The following GNAQ variants were observed in gnomAD, a reference collection of about 807,000 sequenced individuals.
The protein encoded by GNAQ is guanine nucleotide-binding protein G(q) subunit alpha.
In GNAQ, 8 loss-of-function variants were observed where a neutral mutation model predicts 43.9. That is an observed-to-expected ratio of 0.18 (90% CI 0.11 to 0.33). GNAQ has a LOEUF of 0.33. Among genes scored for constraint, GNAQ ranks in the 10% least tolerant of loss-of-function variants. GNAQ has a pLI of 1.00. For synonymous variants in GNAQ, 155 were observed against 170.7 expected, an observed-to-expected ratio of 0.91 and a Z score of 0.71; for missense variants, 158 against 450.8, an observed-to-expected ratio of 0.35 and a Z score of 5.88.
intron 2 of GNAQ, among the ~76,000 whole-genome samples, chr9:77,915,424 G>C (rs1391691318): frequency 6.6e-6 from 1 of 151,984 alleles, no homozygotes; most frequent in African/African-American, 2.4e-5. Context: ...TCCTAAATCT[G>C]GTCACATTGT....
chr9:77,827,687 T>G (rs1265602122), intron 2 of GNAQ, among the ~76,000 whole-genome samples: 1 of 152,070 alleles, frequency 6.6e-6, no homozygotes, highest in Non-Finnish European at 1.5e-5. Context: ...AATGACCGCT[T>G]CATTCTTCTC....
intron 2 of GNAQ, among the ~76,000 whole-genome samples, chr9:77,901,827 T>C (rs559741387): frequency 2.0e-5 from 3 of 152,326 alleles, no homozygotes; most frequent in Non-Finnish European, 2.9e-5. Flanking sequence ...AAGTTCATGA[T>C]CAAGGCACAG....
At chr9:77,983,352 A>C (rs1823392649) in intron 1 of GNAQ, among the ~76,000 whole-genome samples, 1 of 152,060 alleles carries the variant, frequency 6.6e-6, no homozygotes, top group Admixed American at 6.6e-5. Flanking sequence ...AAATCTTCTA[A>C]AGGACTTGTG....
At chr9:77,813,029 C>T (rs901869778) in intron 3 of GNAQ, among the ~76,000 whole-genome samples, 1 of 151,958 alleles carries the variant, frequency 6.6e-6, no homozygotes, top group African/African-American at 2.4e-5. Context: ...TCTCCTGTTT[C>T]AGCCTCCTGA....
chr9:77,777,647 C>T (rs1826324190), intron 5 of GNAQ, among the ~76,000 whole-genome samples: 1 of 151,930 alleles, frequency 6.6e-6, no homozygotes, highest in Admixed American at 6.6e-5. Flanking sequence ...AATAAAAACA[C>T]AAGTCTATTA....
intron 1 of GNAQ, among the ~76,000 whole-genome samples, chr9:78,003,476 G>A (rs1468236770): frequency 3.3e-5 from 5 of 152,166 alleles, no homozygotes; most frequent in African/African-American, 1.2e-4. Flanking sequence ...CCAGGAAGAA[G>A]GCTTTTGTGT....
chr9:77,750,330 C>T (rs1825793999), intron 5 of GNAQ, among the ~76,000 whole-genome samples: 1 of 152,098 alleles, frequency 6.6e-6, no homozygotes, highest in Non-Finnish European at 1.5e-5. Flanking sequence ...ACCAAGCAAA[C>T]AAAGCATTCT....
chr9:77,746,241 G>A (rs1261564259), intron 5 of GNAQ, among the ~76,000 whole-genome samples: 5 of 152,086 alleles, frequency 3.3e-5, no homozygotes, highest in African/African-American at 1.2e-4. Flanking sequence ...AGCTACAGAA[G>A]GATATGTCCT....
chr9:77,833,497 T>C (rs1388045528), intron 2 of GNAQ, among the ~76,000 whole-genome samples: 2 of 152,248 alleles, frequency 1.3e-5, no homozygotes, highest in Non-Finnish European at 2.9e-5. Flanking sequence ...GAAAAGCTTC[T>C]TGTTGCTTTC....
At chr9:77,930,514 A>G (rs550205113) in intron 1 of GNAQ, among the ~76,000 whole-genome samples, 4 of 152,348 alleles carry the variant, frequency 2.6e-5, no homozygotes, top group African/African-American at 9.6e-5. Context: ...ACAGTCATTC[A>G]TATAAGCTTT....
chr9:77,764,459 CTT>C (rs1033785301), intron 5 of GNAQ, among the ~76,000 whole-genome samples: 13 of 144,348 alleles, frequency 9.0e-5, no homozygotes, highest in East Asian at 2.0e-4. Context: ...TCTGAAAATA[CTT>C]TTTTTTTTTT....
chr9:77,946,925 C>T (rs1822910927), intron 1 of GNAQ, among the ~76,000 whole-genome samples: 2 of 152,238 alleles, frequency 1.3e-5, no homozygotes, highest in Non-Finnish European at 2.9e-5. Flanking sequence ...CAGGTAGAGC[C>T]TGACTGCCAC....
In GNAQ at chr9:77,918,264, A is replaced by G. The variant is rs140263218; in HGVS notation, c.321+3897T>C. Among the ~76,000 whole-genome samples, 1,065 of 152,356 alleles carry G rather than the reference A, an allele frequency of 7.0e-3. 18 individuals are homozygous for G. Among genetic ancestry groups the G allele is most frequent in the African/African-American group, 0.024 (988 of 41,570 alleles). ...GTTATGCTGGACAATATTAGAAAGTATCTTTATTTATGCTACTATAGATTA... is the reference window on the plus strand; with the variant it reads ...GTTATGCTGGACAATATTAGAAAGTGTCTTTATTTATGCTACTATAGATTA... On this transcript the variant is annotated intron_variant, in intron 2 of 6. Coordinates refer to ENST00000286548, the MANE Select transcript of GNAQ (RefSeq NM_002072.5).
At chr9:77,759,543 C>G (rs1380585552) in intron 5 of GNAQ, among the ~76,000 whole-genome samples, 1 of 152,144 alleles carries the variant, frequency 6.6e-6, no homozygotes, top group African/African-American at 2.4e-5. Flanking sequence ...AACTACAGCA[C>G]GTGACTCTAA....
At chr9:77,866,348 G>A (rs1328078926) in intron 2 of GNAQ, among the ~76,000 whole-genome samples, 1 of 152,070 alleles carries the variant, frequency 6.6e-6, no homozygotes, top group Non-Finnish European at 1.5e-5. Flanking sequence ...GTGGTGGCAG[G>A]TGCCTGTAAT....
At chr9:77,738,203 C>T (rs1474032853) in intron 5 of GNAQ, among the ~76,000 whole-genome samples, 2 of 152,142 alleles carry the variant, frequency 1.3e-5, no homozygotes, top group Non-Finnish European at 2.9e-5. Flanking sequence ...CATGTATACA[C>T]GGTTGTGTGC....
At chr9:77,958,501 T>C (rs1056893932) in intron 1 of GNAQ, among the ~76,000 whole-genome samples, 3 of 152,236 alleles carry the variant, frequency 2.0e-5, no homozygotes, top group African/African-American at 7.2e-5. Flanking sequence ...ATGGGAAAAT[T>C]TAGGACTTCC....
At chr9:77,746,302 C>T (rs1393120397) in intron 5 of GNAQ, among the ~76,000 whole-genome samples, 2 of 152,044 alleles carry the variant, frequency 1.3e-5, no homozygotes, top group Non-Finnish European at 2.9e-5. Context: ...GATCTAGAAA[C>T]AGGGAACTCA....
At chr9:77,980,695 A>T (rs1823357738) in intron 1 of GNAQ, among the ~76,000 whole-genome samples, 1 of 152,170 alleles carries the variant, frequency 6.6e-6, no homozygotes, top group Admixed American at 6.5e-5. Context: ...AATTTATCCA[A>T]ATTCAACAGT....
Sources: allele counts gnomAD v4.1 joint callset (sites outside exome capture counted in the v4.1 genomes callset), GRCh38; gene constraint gnomAD v4.1.1; transcripts MANE v1.5; gene names NCBI Gene and HGNC (gene_info 2026-07-23, HGNC 2026-07-21).